The following PHF12 variants were observed in gnomAD, a reference collection of about 807,000 sequenced individuals.
PHF12 encodes the protein PHD finger protein 12, also known as PHD factor 1.
In PHF12, 6 loss-of-function variants were observed where a neutral mutation model predicts 99.8. That is an observed-to-expected ratio of 0.06 (90% CI 0.03 to 0.12). The LOEUF is 0.12. Among genes scored for constraint, PHF12 ranks in the 10% least tolerant of loss-of-function variants. PHF12 has a pLI of 1.00. For missense variants in PHF12, 954 were observed against 1,300.1 expected (o/e 0.73, Z 4.09); for synonymous variants, 480 against 514.9 (o/e 0.93, Z 0.92).
rs1484627111 is a variant in PHF12, at chr17:28,951,204, G to A, written c.-244C>T. ...CCGGCCCGGCTGCTGGCTGCACAGT[G>A]GGTCCCGGCTCCGGGGGTCAGGCCT... is the stretch of plus-strand genomic sequence containing the variant. On this transcript the variant is annotated 5_prime_UTR_variant, in exon 1 of 15. Coordinates refer to ENST00000332830, the MANE Select transcript of PHF12 (RefSeq NM_001033561.2). 2.2e-6 allele frequency: 3 copies of A among 1,378,020 alleles called. No homozygotes were observed. The highest frequency in any genetic ancestry group is 3.0e-5 in the African/African-American group (2 of 66,390). The allele number at this position is 1,378,020 out of a possible 1,614,324, so 85.4% of individuals were successfully genotyped here. A position where few individuals can be genotyped will look rare whatever the true frequency, so the allele number is the denominator to read the frequency against.
At chr17:28,917,222 TC>T in intron 7 of PHF12, 62 bp downstream of exon 7, 2 of 1,605,498 alleles carry the variant, frequency 1.2e-6, no homozygotes, top group East Asian at 4.5e-5. Flanking sequence ...GGGACAGTGA[TC>T]CTCTGTCTAA....
chr17:28,909,144 G>A, intron 11 of PHF12: 1 of 396,584 alleles, frequency 2.5e-6, no homozygotes, highest in Non-Finnish European at 4.6e-6. Context: ...GTAAGTTCCT[G>A]GGCTCCTGGC....
intron 11 of PHF12, 114 bp downstream of exon 11, chr17:28,910,112 C>T: frequency 6.8e-7 from 1 of 1,474,602 alleles, no homozygotes; most frequent in Non-Finnish European, 9.5e-7. Flanking sequence ...CCATGAAAAG[C>T]ACACAAGGAG....
rs1047669155 is a variant in PHF12 at position 28,949,283 on chromosome 17, T to C, written c.248+782A>G. Among the ~76,000 whole-genome samples, 3 of 152,070 alleles carry C rather than the reference T, an allele frequency of 2.0e-5. No individual in the cohort carries two copies. The highest frequency in any genetic ancestry group is 4.4e-5 in the Non-Finnish European group (3 of 68,006). ...AATTGTCTAACCCGGCCCGATTTCC[T>C]AAGAGGCAGCGGCGCCGGGAGGGAG... On this transcript the variant is annotated intron_variant, in intron 2 of 14. Coordinates refer to ENST00000332830, the MANE Select transcript of PHF12 (RefSeq NM_001033561.2). This position sits in a 1 kb window ranked among gnomAD's most constrained non-coding sequence, Gnocchi z 4.6.
At chr17:28,911,658 G>C (rs1485122430) in intron 9 of PHF12, among the ~76,000 whole-genome samples, 1 of 152,228 alleles carries the variant, frequency 6.6e-6, no homozygotes, top group Non-Finnish European at 1.5e-5. Flanking sequence ...AACAGCCTGG[G>C]AGCGGGGCCA....
Position 28,950,336 on chromosome 17 carries a change from C to G in PHF12, c.67-90G>C, listed in dbSNP as rs753808305. 2 of 1,361,610 alleles carry G rather than the reference C, an allele frequency of 1.5e-6. No homozygotes were observed. Among genetic ancestry groups the G allele is most frequent in the Non-Finnish European group, 2.0e-6 (2 of 1,009,426 alleles). The allele number at this position is 1,361,610 out of a possible 1,614,324, so 84.3% of individuals were successfully genotyped here. ...GGCGCGGTTTCTCCGTCACCCACCCCTCTCCCCCCTTTTGTCCTTCTTCCT... is the reference window on the plus strand; with the variant it reads ...GGCGCGGTTTCTCCGTCACCCACCCGTCTCCCCCCTTTTGTCCTTCTTCCT... On this transcript the variant is annotated intron_variant, in intron 1 of 14. Transcript: ENST00000332830. This position sits in a 1 kb window ranked among gnomAD's most constrained non-coding sequence, Gnocchi z 5.7.
chr17:28,913,690 C>T (rs1161608223), intron 8 of PHF12, among the ~76,000 whole-genome samples, 189 bp downstream of exon 8: 1 of 152,164 alleles, frequency 6.6e-6, no homozygotes, highest in East Asian at 1.9e-4. Flanking sequence ...GACCAGTTGC[C>T]TTTGTAGATC....
chr17:28,950,470 G>A lies in PHF12; in HGVS notation c.67-224C>T, dbSNP rs947839948. ...AGAACAGCTTCTTCCAAATGGGGAGGATCAAGGGTAGGGGGATGGGAAGAG... is the reference window on the plus strand; with the variant it reads ...AGAACAGCTTCTTCCAAATGGGGAGAATCAAGGGTAGGGGGATGGGAAGAG... On this transcript the variant is annotated intron_variant, in intron 1 of 14. Coordinates refer to ENST00000332830, the MANE Select transcript of PHF12 (RefSeq NM_001033561.2). This position sits in a 1 kb window ranked among gnomAD's most constrained non-coding sequence, Gnocchi z 5.7. The A allele has an allele frequency of 3.4e-5, 20 of 592,666 alleles. No individual in the cohort carries two copies. The highest frequency in any genetic ancestry group is 5.7e-5 in the Non-Finnish European group (19 of 336,256). 36.7% of individuals were successfully genotyped at this position (592,666 alleles called of 1,614,324 possible). A position where few individuals can be genotyped will look rare whatever the true frequency, so the allele number is the denominator to read the frequency against.
chr17:28,948,324 A>C (rs555821483), intron 2 of PHF12, among the ~76,000 whole-genome samples: 1 of 152,268 alleles, frequency 6.6e-6, no homozygotes, highest in Non-Finnish European at 1.5e-5. Flanking sequence ...ATAACTGGTA[A>C]GCAACACAAC....
Position 28,912,793 on chromosome 17 carries a change from A to G in PHF12, c.1778T>C (p.Leu593Pro), listed in dbSNP as rs766435721. ...RPLTPPAAGG[L>P]QNHTVGIIVK... ...AATGATGCCGACGGTGTGGTTCTGA[A>G]GGCCCCCAGCCGCTGGTGGCGTGAG... is the stretch of plus-strand genomic sequence containing the variant. Residue 593 changes from leucine to proline, a missense_variant, in exon 9 of 15, where the codon CTT becomes CCT. Leu to Pro is a moderately conservative substitution (Grantham distance 98, BLOSUM62 -3). Around this residue, in one of 8 missense-constraint regions of PHF12, gnomAD observed 392 missense variants for 423.1 expected, o/e 0.93. Coordinates refer to ENST00000332830, the MANE Select transcript of PHF12 (RefSeq NM_001033561.2). 6.2e-7 allele frequency: 1 copy of G among 1,610,894 alleles called. No homozygotes were observed. Among genetic ancestry groups the G allele is most frequent in the Non-Finnish European group, 8.5e-7 (1 of 1,177,754 alleles).
chr17:28,906,746 G>A lies in PHF12; in HGVS notation c.2680+110C>T, dbSNP rs1240930730. 1 of 1,455,698 alleles carries A rather than the reference G, an allele frequency of 6.9e-7. No individual in the cohort carries two copies. The highest frequency in any genetic ancestry group is 9.3e-7 in the Non-Finnish European group (1 of 1,079,498). The allele number at this position is 1,455,698 out of a possible 1,614,324, so 90.2% of individuals were successfully genotyped here. A position where few individuals can be genotyped will look rare whatever the true frequency, so the allele number is the denominator to read the frequency against. ...CCTGCCCTGGGCCCACGAGGAAGTA[G>A]AGCTTGGCCAATAGGACTGGGAAGG... is the stretch of plus-strand genomic sequence containing the variant. On this transcript the variant is annotated intron_variant, in intron 14 of 14. Coordinates refer to ENST00000332830, the MANE Select transcript of PHF12 (RefSeq NM_001033561.2). This position sits in a 1 kb window ranked among gnomAD's most constrained non-coding sequence, Gnocchi z 4.2.
At chr17:28,940,061 G>C (rs1358890900) in intron 2 of PHF12, among the ~76,000 whole-genome samples, 1 of 152,156 alleles carries the variant, frequency 6.6e-6, no homozygotes, top group African/African-American at 2.4e-5. Context: ...CATTTCTTGG[G>C]AGATATCCCA....
intron 10 of PHF12, 135 bp from the exon 11 acceptor site, chr17:28,910,504 G>C (rs935526780): frequency 9.2e-7 from 1 of 1,087,074 alleles, no homozygotes; most frequent in African/African-American, 1.6e-5. Context: ...AGCATTGAGT[G>C]CAGAGCGTAC....
chr17:28,923,873 G>A, intron 4 of PHF12, 36 bp downstream of exon 4: 3 of 1,569,268 alleles, frequency 1.9e-6, no homozygotes, highest in Non-Finnish European at 2.6e-6. Flanking sequence ...TGGGGAAACT[G>A]GGGTTGGGAA....
chr17:28,932,041 C>T (rs2040421923), intron 2 of PHF12, among the ~76,000 whole-genome samples: 1 of 152,168 alleles, frequency 6.6e-6, no homozygotes, highest in South Asian at 2.1e-4. Context: ...ACAAGAATCA[C>T]CCATCATAAA....
At chr17:28,924,639 AT>A (rs1878237153) in intron 3 of PHF12, 1 of 356,012 alleles carries the variant, frequency 2.8e-6, no homozygotes, top group Admixed American at 4.3e-5. Flanking sequence ...GTGAGAATAA[AT>A]TTAGTGAGAC....
At position 28,906,982 on chromosome 17, in the gene PHF12, A is replaced by G. The variant is rs1448931654; in HGVS notation, c.2554T>C (p.Tyr852His). Reference sequence around the variant, plus strand: ...TGCTCACTGTAGTTTAACAGCTCATAATGTTTGGTATTCTGAGGAGGAGGA... The same window carrying G: ...TGCTCACTGTAGTTTAACAGCTCATGATGTTTGGTATTCTGAGGAGGAGGA... ...CIFYDENTKH[Y>H]ELLNYSEHGT... Residue 852 changes from tyrosine to histidine, a missense_variant, in exon 14 of 15, where the codon TAT (tyrosine) becomes CAT (histidine). By Grantham distance (83) the Tyr-to-His change is moderately conservative. Coordinates refer to ENST00000332830, the MANE Select transcript of PHF12 (RefSeq NM_001033561.2). The surrounding 1 kb of genome is among the most constrained non-coding windows in gnomAD (Gnocchi z 4.2). The G allele has an allele frequency of 6.2e-7, 1 of 1,609,394 alleles. No individual in the cohort carries two copies. The highest frequency in any genetic ancestry group is 8.5e-7 in the Non-Finnish European group (1 of 1,177,652).
Position 28,907,163 on chromosome 17 carries a change from G to A in PHF12, c.2542-169C>T, listed in dbSNP as rs922695052. 13 of 724,200 alleles carry A rather than the reference G, an allele frequency of 1.8e-5. No homozygotes were observed. In the African/African-American group the frequency reaches 2.1e-4, roughly 12 times the overall value. 44.9% of individuals were successfully genotyped at this position (724,200 alleles called of 1,614,324 possible). A position where few individuals can be genotyped will look rare whatever the true frequency, so the allele number is the denominator to read the frequency against. On this transcript the variant is annotated intron_variant, in intron 13 of 14. Coordinates refer to ENST00000332830, the MANE Select transcript of PHF12 (RefSeq NM_001033561.2). ...GAAGGGGGCTGGAGACACCTCCTCA[G>A]GGAAGCTTTCCTTCTGGTGTCCCAC...
intron 2 of PHF12, chr17:28,945,313 T>C (rs2040701634): frequency 6.6e-6 from 1 of 152,234 alleles, no homozygotes; most frequent in South Asian, 2.1e-4. Context: ...GTGAAACCTT[T>C]GTTACGACTC....
Sources: allele counts gnomAD v4.1 joint callset (sites outside exome capture counted in the v4.1 genomes callset), GRCh38; gene constraint gnomAD v4.1.1; regional missense constraint gnomAD v4.1.1; non-coding constraint Gnocchi (gnomAD v3.1); transcripts MANE v1.5; gene names NCBI Gene and HGNC (gene_info 2026-07-23, HGNC 2026-07-21).